The following PYCR1 variants were observed in gnomAD, a reference collection of about 807,000 sequenced individuals.
PYCR1 encodes the protein pyrroline-5-carboxylate reductase 1, mitochondrial.
PYCR1 carries 19 observed loss-of-function variants against 22.9 expected under a neutral mutation model. That is an observed-to-expected ratio of 0.83 (90% CI 0.58 to 1.22). PYCR1 has a LOEUF of 1.22. PYCR1 is among the 50% of genes most tolerant of loss of function. The pLI, the probability that PYCR1 is intolerant of heterozygous loss-of-function variation, is 0.00. For synonymous variants in PYCR1, 175 were observed against 180.5 expected (o/e 0.97, Z 0.24); for missense variants, 429 against 431.3 (o/e 0.99, Z 0.05).
intron 6 of PYCR1, 64 bp downstream of exon 6, chr17:81,934,262 T>C (rs1308366889): frequency 6.3e-7 from 1 of 1,594,646 alleles, no homozygotes; most frequent in East Asian, 2.2e-5. Flanking sequence ...AGCAGATGTG[T>C]GTGAGAGAGG....
In PYCR1 at chr17:81,934,854, G is replaced by T. The variant is rs2041127688; in HGVS notation, c.540+72C>A. The T allele has an allele frequency of 3.8e-6, 6 of 1,572,118 alleles. No homozygotes were observed. In the Admixed American group the frequency reaches 5.4e-5, roughly 14 times the overall value. On this transcript the variant is annotated intron_variant, in intron 4 of 6. Coordinates refer to ENST00000329875, the MANE Select transcript of PYCR1 (RefSeq NM_006907.4). ...AGCCCTCCACCCTGGCCCTCCCAGG[G>T]GGAGCAGGGACAGATGTGCCCGGTG...
chr17:81,933,079 C>T lies in PYCR1; in HGVS notation c.*135G>A, dbSNP rs2041033412. 6.3e-7 allele frequency: 1 copy of T among 1,586,524 alleles called. No individual in the cohort carries two copies. The highest frequency in any genetic ancestry group is 2.3e-5 in the East Asian group (1 of 43,970). Reference sequence around the variant, plus strand: ...ATTTCCAGTGGGAAGTGATGTGGCCCCTCCCTGGCTATGTCCCTGGCTGGC... The same window carrying T: ...ATTTCCAGTGGGAAGTGATGTGGCCTCTCCCTGGCTATGTCCCTGGCTGGC... On this transcript the variant is annotated 3_prime_UTR_variant, in exon 7 of 7. Coordinates refer to ENST00000329875, the MANE Select transcript of PYCR1 (RefSeq NM_006907.4).
chr17:81,935,555 C>T (rs1285719995), intron 2 of PYCR1, 39 bp from the exon 3 acceptor site: 1 of 1,457,858 alleles, frequency 6.9e-7, no homozygotes, highest in Non-Finnish European at 9.2e-7. Context: ...GGTCCCGTGG[C>T]TGTCTGTACC....
chr17:81,937,084 G>A lies in PYCR1; in HGVS notation c.-270C>T, dbSNP rs1567928541. The A allele has an allele frequency of 2.8e-6, 4 of 1,428,982 alleles. No homozygotes were observed. The highest frequency in any genetic ancestry group is 3.7e-6 in the Non-Finnish European group (4 of 1,094,966). 88.5% of individuals were successfully genotyped at this position (1,428,982 alleles called of 1,614,324 possible). ...CTGGAGGGGTGGAGGTTCCGCAGAA[G>A]AAATGACTGGGAAGGGGGAAAAGTA... is the stretch of plus-strand genomic sequence containing the variant. On this transcript the variant is annotated 5_prime_UTR_variant, in exon 1 of 7. Transcript: ENST00000329875.
rs191005546 is a variant in PYCR1, at chr17:81,932,860, G to A, written c.*354C>T. The A allele has an allele frequency of 3.4e-5, 55 of 1,601,818 alleles. No individual in the cohort carries two copies. Among genetic ancestry groups the A allele is most frequent in the Non-Finnish European group, 4.2e-5 (49 of 1,175,070 alleles). ...CCACCTCTGCTGAGCCTTCACAGAG[G>A]GGGTCCTTGACCTTTGCTCTCAGGA... On this transcript the variant is annotated 3_prime_UTR_variant, in exon 7 of 7. Coordinates refer to ENST00000329875, the MANE Select transcript of PYCR1 (RefSeq NM_006907.4).
At chr17:81,934,872 G>T in intron 4 of PYCR1, 54 bp downstream of exon 4, 2 of 1,589,780 alleles carry the variant, frequency 1.3e-6, no homozygotes, top group Non-Finnish European at 8.6e-7. Context: ...GGACAGATGT[G>T]CCCGGTGGTC....
chr17:81,933,892 C>T (rs1268153024), intron 6 of PYCR1, among the ~76,000 whole-genome samples: 1 of 152,258 alleles, frequency 6.6e-6, no homozygotes, highest in Non-Finnish European at 1.5e-5. Flanking sequence ...GCTTCTTTCA[C>T]CTTCCATGGA....
chr17:81,936,644 C>G, intron 1 of PYCR1, 104 bp downstream of exon 1: 1 of 1,292,172 alleles, frequency 7.7e-7, no homozygotes, highest in Admixed American at 2.0e-5. Context: ...CCGCAGGACT[C>G]AGGCCTTGTG....
chr17:81,934,938 G>C lies in PYCR1; in HGVS notation c.528C>G (p.Ser176Arg). Reference protein sequence around the residue: ...LIDAVTGLSGSGPAYAFTALD... With the variant: ...LIDAVTGLSGRGPAYAFTALD... ...CCGCAGTCCTTACGTAGGCGGGGCC[G>C]CTGCCACTGAGCCCCGTGACGGCAT... is the stretch of plus-strand genomic sequence containing the variant. Residue 176 changes from serine (S) to arginine (R), a missense_variant, in exon 4 of 7, where the codon AGC becomes AGG. By Grantham distance (110) the Ser-to-Arg change is moderately radical. Coordinates refer to ENST00000329875, the MANE Select transcript of PYCR1 (RefSeq NM_006907.4). 1 of 1,609,122 alleles carries C rather than the reference G, an allele frequency of 6.2e-7. No homozygotes were observed. Among genetic ancestry groups the C allele is most frequent in the Non-Finnish European group, 8.5e-7 (1 of 1,179,950 alleles).
At position 81,932,877 on chromosome 17, in the gene PYCR1, C is replaced by T; in HGVS notation, c.*337G>A. 1 of 1,607,694 alleles carries T rather than the reference C, an allele frequency of 6.2e-7. No individual in the cohort carries two copies. Among genetic ancestry groups the T allele is most frequent in the Non-Finnish European group, 8.5e-7 (1 of 1,177,616 alleles). ...TCACAGAGGGGGTCCTTGACCTTTG[C>T]TCTCAGGAAGGAGCCCGTGCCAGCT... On this transcript the variant is annotated 3_prime_UTR_variant, in exon 7 of 7. Transcript: ENST00000329875.
intron 2 of PYCR1, 91 bp from the exon 3 acceptor site, chr17:81,935,607 A>C: frequency 1.8e-6 from 1 of 561,866 alleles, no homozygotes; most frequent in Non-Finnish European, 3.2e-6. Context: ...GGCACAGAGA[A>C]TGCTGGAGTT....
intron 1 of PYCR1, 33 bp downstream of exon 1, chr17:81,936,715 C>T: frequency 6.3e-7 from 1 of 1,579,156 alleles, no homozygotes; most frequent in African/African-American, 1.3e-5. Flanking sequence ...GTCTCTCCCA[C>T]TGGGCCTCAC....
chr17:81,937,056 C>T lies in PYCR1; in HGVS notation c.-242G>A. 6 of 1,436,126 alleles carry T rather than the reference C, an allele frequency of 4.2e-6. No individual in the cohort carries two copies. The highest frequency in any genetic ancestry group is 4.6e-6 in the Non-Finnish European group (5 of 1,097,636). The allele number at this position is 1,436,126 out of a possible 1,614,324, so 89.0% of individuals were successfully genotyped here. Reference sequence around the variant, plus strand: ...TGGCCTGCTGCCTAGGGTCCCGCACCCACTGGAGGGGTGGAGGTTCCGCAG... The same window carrying T: ...TGGCCTGCTGCCTAGGGTCCCGCACTCACTGGAGGGGTGGAGGTTCCGCAG... On this transcript the variant is annotated 5_prime_UTR_variant, in exon 1 of 7. Transcript: ENST00000329875.
intron 1 of PYCR1, 31 bp downstream of exon 1, chr17:81,936,717 G>T: frequency 1.3e-6 from 2 of 1,581,020 alleles, no homozygotes; most frequent in East Asian, 4.6e-5. Context: ...CTCTCCCACT[G>T]GGCCTCACCG....
rs746871856 is a variant in PYCR1 at position 81,933,224 on chromosome 17, C to T, written c.950G>A (p.Gly317Asp). 3 of 1,613,800 alleles carry T rather than the reference C, an allele frequency of 1.9e-6. No individual in the cohort carries two copies. Among genetic ancestry groups the T allele is most frequent in the Non-Finnish European group, 2.5e-6 (3 of 1,180,002 alleles). ...KLLPRSLAPAGKD is the reference protein window; with the variant it reads ...KLLPRSLAPADKD Reference sequence around the variant, plus strand: ...GTCAGGCAGGACGTGTCAATCCTTGCCCGCTGGGGCCAGGCTGCGGGGGAG... The same window carrying T: ...GTCAGGCAGGACGTGTCAATCCTTGTCCGCTGGGGCCAGGCTGCGGGGGAG... The change falls in exon 7 of 7, where the codon GGC (glycine) becomes GAC (aspartate). Residue 317 changes from glycine to aspartate, a missense_variant. By Grantham distance (94) the Gly-to-Asp change is moderately conservative. Transcript: ENST00000329875.
Position 81,936,921 on chromosome 17 carries a change from C to T in PYCR1, c.-107G>A, listed in dbSNP as rs977920507. 2.6e-6 allele frequency: 4 copies of T among 1,538,386 alleles called. No individual in the cohort carries two copies. In the African/African-American group the frequency reaches 5.5e-5, roughly 21 times the overall value. ...TAGGGGGGCAGTGCCAGCCTGGCCG[C>T]TCCTCCCGCAGCCGGGTGCCCACCT... On this transcript the variant is annotated 5_prime_UTR_variant, in exon 1 of 7. Coordinates refer to ENST00000329875, the MANE Select transcript of PYCR1 (RefSeq NM_006907.4).
chr17:81,934,901 C>T lies in PYCR1; in HGVS notation c.540+25G>A, dbSNP rs201082759. The T allele has an allele frequency of 2.2e-4, 360 of 1,608,842 alleles. 1 individual carries two copies. The African/African-American group carries it at 4.1e-3, about 18-fold the overall frequency. On this transcript the variant is annotated intron_variant, in intron 4 of 6. Coordinates refer to ENST00000329875, the MANE Select transcript of PYCR1 (RefSeq NM_006907.4). ...GGTGGTCCCGGGAAGTGCCCGCCGCCGCCAGCTTCCCCCGCAGTCCTTACG... is the reference window on the plus strand; with the variant it reads ...GGTGGTCCCGGGAAGTGCCCGCCGCTGCCAGCTTCCCCCGCAGTCCTTACG...
rs1467164920 is a variant in PYCR1 at position 81,934,686 on chromosome 17, G to C, written c.600C>G (p.Arg200=). The change falls in exon 5 of 7, where the codon CGC becomes CGG. Residue 200 remains arginine (R), a synonymous_variant. Coordinates refer to ENST00000329875, the MANE Select transcript of PYCR1 (RefSeq NM_006907.4). ...CCTGGGCCCCGAGGCGGACTGCCAG[G>C]CGCCTTGGAAGTCCCATCTTCACAC... ...DGGVKMGLPR[R]LAVRLGAQAL... is the part of the protein sequence containing the mutation. 1 of 1,573,448 alleles carries C rather than the reference G, an allele frequency of 6.4e-7. No homozygotes were observed. The highest frequency in any genetic ancestry group is 8.6e-7 in the Non-Finnish European group (1 of 1,160,230).
chr17:81,932,716 G>A lies in PYCR1; in HGVS notation c.*498C>T. 9.9e-7 allele frequency: 1 copy of A among 1,009,174 alleles called. No individual in the cohort carries two copies. The highest frequency in any genetic ancestry group is 1.5e-6 in the Non-Finnish European group (1 of 685,614). 62.5% of individuals were successfully genotyped at this position (1,009,174 alleles called of 1,614,324 possible). Reference sequence around the variant, plus strand: ...GATCTGCGTGCTTGGCAGCCAAGAGGGGCTGTGGCCCTTCACGCTGGACTT... The same window carrying A: ...GATCTGCGTGCTTGGCAGCCAAGAGAGGCTGTGGCCCTTCACGCTGGACTT... On this transcript the variant is annotated 3_prime_UTR_variant, in exon 7 of 7. Coordinates refer to ENST00000329875, the MANE Select transcript of PYCR1 (RefSeq NM_006907.4).
Sources: allele counts gnomAD v4.1 joint callset (sites outside exome capture counted in the v4.1 genomes callset), GRCh38; gene constraint gnomAD v4.1.1; transcripts MANE v1.5; gene names NCBI Gene and HGNC (gene_info 2026-07-23, HGNC 2026-07-21).